SPAG16: variants seen among roughly 807,000 people sequenced by gnomAD.
SPAG16 encodes sperm-associated antigen 16 protein.
In SPAG16, 86 loss-of-function variants were observed where a neutral mutation model predicts 80.4. The observed-to-expected ratio is 1.07, with a 90% CI of 0.90 to 1.28. SPAG16 has a LOEUF of 1.28. Ranked by LOEUF, SPAG16 falls within the 50% of genes most tolerant of loss-of-function variation. SPAG16 has a pLI of 0.00. For missense variants in SPAG16, 870 were observed against 765.3 expected, an observed-to-expected ratio of 1.14 and a Z score of -1.61; for synonymous variants, 294 against 265.9, an observed-to-expected ratio of 1.11 and a Z score of -1.03.
At chr2:214,175,447 T>G (rs894591034) in intron 15 of SPAG16, among the ~76,000 whole-genome samples, 1 of 151,028 alleles carries the variant, frequency 6.6e-6, no homozygotes. Flanking sequence ...GAGATGGCTC[T>G]AGCCACTTTC....
intron 15 of SPAG16, among the ~76,000 whole-genome samples, chr2:214,343,414 T>A (rs915593508): frequency 6.6e-6 from 1 of 152,122 alleles, no homozygotes; most frequent in Non-Finnish European, 1.5e-5. Flanking sequence ...GTAATGAGGG[T>A]AAAGCATATT....
At chr2:214,062,373 C>T (rs370911015) in intron 13 of SPAG16, among the ~76,000 whole-genome samples, 1 of 133,282 alleles carries the variant, frequency 7.5e-6, no homozygotes, top group African/African-American at 2.9e-5. Context: ...GAGCTGAGAT[C>T]GTGCCACTGC....
At chr2:213,301,182 T>A (rs2062726879) in intron 3 of SPAG16, among the ~76,000 whole-genome samples, 1 of 152,124 alleles carries the variant, frequency 6.6e-6, no homozygotes, top group African/African-American at 2.4e-5. Context: ...ATTACTAGTC[T>A]CAAGAAAAAG....
intron 9 of SPAG16, among the ~76,000 whole-genome samples, chr2:213,436,837 T>C (rs1009711050): frequency 6.6e-6 from 1 of 152,176 alleles, no homozygotes; most frequent in Admixed American, 6.5e-5. Context: ...CTGTAATAAA[T>C]CTTTTAGATA....
chr2:213,830,021 C>G (rs1346852260), intron 10 of SPAG16, among the ~76,000 whole-genome samples: 7 of 152,116 alleles, frequency 4.6e-5, no homozygotes. Context: ...TGTGTCTTTA[C>G]TAGGTCACAC....
At chr2:213,940,773 C>A (rs759552202) in intron 12 of SPAG16, among the ~76,000 whole-genome samples, 2 of 152,104 alleles carry the variant, frequency 1.3e-5, no homozygotes, top group Non-Finnish European at 2.9e-5. Flanking sequence ...AATTGTAAAT[C>A]TCTTATACAA....
At chr2:213,983,416 T>G (rs2045863705) in intron 12 of SPAG16, among the ~76,000 whole-genome samples, 1 of 152,014 alleles carries the variant, frequency 6.6e-6, no homozygotes, top group African/African-American at 2.4e-5. Context: ...TATTGTCATC[T>G]TTGGTTTCTG....
intron 10 of SPAG16, among the ~76,000 whole-genome samples, chr2:213,546,544 G>A (rs1471157296): frequency 6.6e-6 from 1 of 151,826 alleles, no homozygotes; most frequent in Admixed American, 6.6e-5. Flanking sequence ...ACTAAATCTC[G>A]GTAACTGTGC....
At chr2:214,204,626 G>A (rs898638485) in intron 15 of SPAG16, among the ~76,000 whole-genome samples, 2 of 152,192 alleles carry the variant, frequency 1.3e-5, no homozygotes, top group Admixed American at 6.5e-5. Context: ...CTAGGAAAGG[G>A]AGAAAGCACC....
intron 10 of SPAG16, among the ~76,000 whole-genome samples, chr2:213,576,355 G>C (rs547718104): frequency 6.6e-6 from 1 of 152,012 alleles, no homozygotes; most frequent in Non-Finnish European, 1.5e-5. Flanking sequence ...GTCAGGTAGC[G>C]TGATGCCTCC....
At chr2:213,738,556 A>T (rs1053721200) in intron 10 of SPAG16, among the ~76,000 whole-genome samples, 2 of 152,230 alleles carry the variant, frequency 1.3e-5, no homozygotes, top group African/African-American at 4.8e-5. Flanking sequence ...TTTAAAAATG[A>T]GAAGTCATGG....
chr2:213,391,615 T>G (rs1053807348), intron 9 of SPAG16, among the ~76,000 whole-genome samples: 2 of 152,174 alleles, frequency 1.3e-5, no homozygotes, highest in African/African-American at 4.8e-5. Flanking sequence ...TATCTAACAC[T>G]GTGCTTATAA....
At chr2:213,390,327 T>TA in intron 9 of SPAG16, among the ~76,000 whole-genome samples, 1 of 152,156 alleles carries the variant, frequency 6.6e-6, no homozygotes, top group East Asian at 1.9e-4. Flanking sequence ...TGCAGAAAGT[T>TA]ATATAAATGC....
chr2:214,070,611 G>A (rs1272039692), intron 13 of SPAG16, among the ~76,000 whole-genome samples: 2 of 151,990 alleles, frequency 1.3e-5, no homozygotes, highest in East Asian at 3.9e-4. Context: ...TCCTCACCTA[G>A]TAAGTATTGT....
intron 15 of SPAG16, among the ~76,000 whole-genome samples, chr2:214,236,027 C>T (rs1689052894): frequency 6.6e-6 from 1 of 152,194 alleles, no homozygotes; most frequent in African/African-American, 2.4e-5. Flanking sequence ...TAAATTCTTA[C>T]CTCCTATGAA....
At chr2:214,158,420 A>G (rs1049196519) in intron 15 of SPAG16, among the ~76,000 whole-genome samples, 1 of 152,046 alleles carries the variant, frequency 6.6e-6, no homozygotes, top group African/African-American at 2.4e-5. Flanking sequence ...ATTGCTCAGC[A>G]AGACTAAATT....
chr2:213,387,938 G>A (rs949941500), intron 9 of SPAG16, among the ~76,000 whole-genome samples: 1 of 152,158 alleles, frequency 6.6e-6, no homozygotes, highest in Non-Finnish European at 1.5e-5. Flanking sequence ...AGGTGGCAGA[G>A]TGGGAAGCAC....
chr2:214,070,453 C>G (rs1422135101), intron 13 of SPAG16, among the ~76,000 whole-genome samples: 3 of 152,026 alleles, frequency 2.0e-5, no homozygotes, highest in African/African-American at 7.2e-5. Context: ...CATTCTTTCT[C>G]CACTGCTTTG....
rs138018959 is a variant in SPAG16, at chr2:213,985,093, T to A, written c.1401-28858T>A. ...AATGTAAGCTCTAGGAGAGGAGTAGTTTGTCAGAATTGTACTCTGTCTTAC... is the reference window on the plus strand; with the variant it reads ...AATGTAAGCTCTAGGAGAGGAGTAGATTGTCAGAATTGTACTCTGTCTTAC... On this transcript the variant is annotated intron_variant, in intron 12 of 15. Coordinates refer to ENST00000331683, the MANE Select transcript of SPAG16 (RefSeq NM_024532.5). Among the ~76,000 whole-genome samples the A allele has an allele frequency of 1.2e-3, 189 of 152,208 alleles. 3 individuals carry two copies. The highest frequency in any genetic ancestry group is 4.4e-3 in the African/African-American group (183 of 41,560).
Sources: gnomAD v4.1 joint callset for allele counts (sites outside exome capture counted in the v4.1 genomes callset) on GRCh38, gnomAD v4.1.1 for gene constraint, MANE v1.5 for transcripts, NCBI Gene and HGNC (gene_info 2026-07-23, HGNC 2026-07-21) for gene names.